The following GPHN variants were observed in gnomAD, a reference collection of about 807,000 sequenced individuals.
The protein encoded by GPHN is gephyrin.
In GPHN, 17 loss-of-function variants were observed where a neutral mutation model predicts 95.5. The observed-to-expected ratio is 0.18, with a 90% confidence interval of 0.12 to 0.27. The LOEUF is 0.27. Ranked by LOEUF, GPHN falls within the 10% of genes least tolerant of loss-of-function variation. The pLI, the probability that GPHN is intolerant of heterozygous loss-of-function variation, is 1.00. For missense variants in GPHN, 660 were observed against 978.1 expected (o/e 0.67, Z 4.34); for synonymous variants, 320 against 322.5 (o/e 0.99, Z 0.08).
rs1449034111 is a variant in GPHN, at chr14:66,636,742, A to G, written c.65-44365A>G. On this transcript the variant is annotated intron_variant, in intron 1 of 22. Transcript: ENST00000478722. Reference sequence around the variant, plus strand: ...CCCTGTAGAAATCAGGATGCTTGCAACATGGATTTCAGCAAAGTTTCTGAA... The same window carrying G: ...CCCTGTAGAAATCAGGATGCTTGCAGCATGGATTTCAGCAAAGTTTCTGAA... 3.9e-5 allele frequency among the ~76,000 whole-genome samples: 6 copies of G among 152,172 alleles called. No homozygotes were observed. In the South Asian group the frequency reaches 8.3e-4, roughly 21 times the overall value.
chr14:67,350,536 A>C, the GPHN span: 5 of 1,328,890 alleles, frequency 3.8e-6, no homozygotes, highest in Non-Finnish European at 5.3e-6. Context: ...CTAAATTAAA[A>C]AATGCTTTTT....
chr14:67,552,692 G>A, the GPHN span, among the ~76,000 whole-genome samples: 39 of 151,930 alleles, frequency 2.6e-4, no homozygotes, highest in Non-Finnish European at 4.7e-4. Flanking sequence ...GCGGGAACCC[G>A]GGAGGCGGAG....
At chr14:67,586,299 A>C in the GPHN span, 1 of 1,164,030 alleles carries the variant, frequency 8.6e-7, no homozygotes, top group East Asian at 2.5e-5. Context: ...AAAGGGACAT[A>C]TTTGGAGGGA....
chr14:66,689,412 G>A (rs1400933552), intron 2 of GPHN, among the ~76,000 whole-genome samples: 1 of 152,170 alleles, frequency 6.6e-6, no homozygotes, highest in Admixed American at 6.5e-5. Flanking sequence ...CCTACTTGAT[G>A]ATGGTGAATT....
Position 67,181,790 on chromosome 14 carries a change from T to C in GPHN, c.*853T>C, listed in dbSNP as rs1364524346. On this transcript the variant is annotated 3_prime_UTR_variant, in exon 23 of 23. Transcript: ENST00000478722. ...CTTAATGAATAAAAAAATTCCTTGA[T>C]CATTATTTAAAAATGTAATGTGTTG... 5.4e-6 allele frequency: 1 copy of C among 185,616 alleles called. No homozygotes were observed. The highest frequency in any genetic ancestry group is 6.2e-5 in the Admixed American group (1 of 16,002). The allele number at this position is 185,616 out of a possible 1,614,324, so 11.5% of individuals were successfully genotyped here.
chr14:66,697,960 G>A (rs551344556), intron 2 of GPHN, among the ~76,000 whole-genome samples: 2 of 152,134 alleles, frequency 1.3e-5, no homozygotes, highest in South Asian at 4.1e-4. Flanking sequence ...CTCCCAAAGT[G>A]CTGGGAATGA....
Position 66,995,458 on chromosome 14 carries a change from A to T in GPHN, c.964-28175A>T, listed in dbSNP as rs376717156. ...TGCCTCAAAGCAATAAGTGGCAATGATACTTTTTCGCACAACTCTTTCTGA... is the reference window on the plus strand; with the variant it reads ...TGCCTCAAAGCAATAAGTGGCAATGTTACTTTTTCGCACAACTCTTTCTGA... On this transcript the variant is annotated intron_variant, in intron 9 of 22. Coordinates refer to ENST00000478722, the MANE Select transcript of GPHN (RefSeq NM_020806.5). Among the ~76,000 whole-genome samples, 7 of 152,204 alleles carry T rather than the reference A, an allele frequency of 4.6e-5. No homozygotes were observed. In the East Asian group the frequency reaches 5.8e-4, roughly 13 times the overall value.
the GPHN span, chr14:67,729,286 T>TC: frequency 1.2e-6 from 2 of 1,604,264 alleles, no homozygotes; most frequent in East Asian, 2.2e-5. Flanking sequence ...GCGGCTCTTC[T>TC]CCCCCTTTGT....
chr14:67,655,913 T>C, the GPHN span, among the ~76,000 whole-genome samples: 2 of 151,908 alleles, frequency 1.3e-5, no homozygotes, highest in Admixed American at 6.6e-5. Context: ...AGGGGTAAAA[T>C]TGCTTCTAAG....
At chr14:67,188,389 C>T in the GPHN span, among the ~76,000 whole-genome samples, 3 of 152,086 alleles carry the variant, frequency 2.0e-5, no homozygotes, top group South Asian at 2.1e-4. Flanking sequence ...AAAAAATGGA[C>T]GTGAGATAAT....
At chr14:67,235,408 C>G in the GPHN span, among the ~76,000 whole-genome samples, 47 of 152,172 alleles carry the variant, frequency 3.1e-4, no homozygotes, top group Admixed American at 1.8e-3. Context: ...TTACCTACAT[C>G]CTCTCTCGGA....
chr14:67,387,277 T>C, the GPHN span: 1 of 1,566,588 alleles, frequency 6.4e-7, no homozygotes, highest in Non-Finnish European at 8.6e-7. Flanking sequence ...CCAGGAACTC[T>C]TGTCTGTGTC....
At chr14:67,317,401 T>C in the GPHN span, 5 of 1,607,634 alleles carry the variant, frequency 3.1e-6, no homozygotes, top group Non-Finnish European at 4.2e-6. Flanking sequence ...TTATGATTGC[T>C]CAACAGGAAA....
the GPHN span, chr14:67,340,662 A>C: frequency 7.2e-6 from 5 of 694,058 alleles, no homozygotes; most frequent in South Asian, 9.3e-5. Flanking sequence ...ATAAAAACAC[A>C]AAGAAGCTCT....
chr14:67,281,880 A>G, the GPHN span, among the ~76,000 whole-genome samples: 1 of 151,862 alleles, frequency 6.6e-6, no homozygotes, highest in African/African-American at 2.4e-5. Context: ...AATTCAGATT[A>G]AAGGATACCT....
At chr14:67,108,296 G>A (rs979640195) in intron 13 of GPHN, among the ~76,000 whole-genome samples, 1 of 152,108 alleles carries the variant, frequency 6.6e-6, no homozygotes, top group African/African-American at 2.4e-5. Flanking sequence ...AAGAGCAAGG[G>A]GAATGAAAAC....
chr14:67,301,417 A>G, the GPHN span: 3 of 1,610,666 alleles, frequency 1.9e-6, no homozygotes, highest in Non-Finnish European at 2.5e-6. Flanking sequence ...CCAGTTCATC[A>G]TAAGGAAGGA....
At chr14:67,479,985 G>A in the GPHN span, among the ~76,000 whole-genome samples, 1 of 152,180 alleles carries the variant, frequency 6.6e-6, no homozygotes, top group Non-Finnish European at 1.5e-5. Context: ...CCACCTGTGA[G>A]ACCTAATGGA....
intron 1 of GPHN, among the ~76,000 whole-genome samples, chr14:66,545,233 C>T (rs1212276895): frequency 4.8e-4 from 66 of 137,684 alleles, no homozygotes; most frequent in East Asian, 4.5e-4. Context: ...CCCTCCCGGA[C>T]GGGGCGGCTG....
Sources: gnomAD v4.1 joint callset for allele counts (sites outside exome capture counted in the v4.1 genomes callset) on GRCh38, gnomAD v4.1.1 for gene constraint, MANE v1.5 for transcripts, NCBI Gene and HGNC (gene_info 2026-07-23, HGNC 2026-07-21) for gene names.